The following SLC6A5 variants were observed in gnomAD, a reference collection of about 807,000 sequenced individuals.
SLC6A5 encodes the protein solute carrier family 6 member 5, also known as sodium- and chloride-dependent glycine transporter 2.
SLC6A5 carries 58 observed loss-of-function variants against 90.5 expected under a neutral mutation model. The ratio of observed to expected loss-of-function variants is 0.64; its 90% CI spans 0.52 to 0.80. SLC6A5 has a LOEUF of 0.80. Ranked by LOEUF, SLC6A5 falls within the 30% of genes least tolerant of loss-of-function variation. The pLI is 0.00. For synonymous variants in SLC6A5, 427 were observed against 401.4 expected (o/e 1.06, Z -0.76); for missense variants, 1,015 against 1,017.6 (o/e 1.00, Z 0.03).
intron 10 of SLC6A5, among the ~76,000 whole-genome samples, chr11:20,632,677 C>T (rs1853130064): frequency 6.6e-6 from 1 of 152,108 alleles, no homozygotes; most frequent in African/African-American, 2.4e-5. Flanking sequence ...TTTATATGTG[C>T]TTTACAGGCT....
intron 7 of SLC6A5, among the ~76,000 whole-genome samples, chr11:20,624,131 A>G (rs1172587789): frequency 6.7e-6 from 1 of 149,664 alleles, no homozygotes; most frequent in Non-Finnish European, 1.5e-5. Context: ...GAATGACCCC[A>G]AGGGTTTTAT....
intron 14 of SLC6A5, among the ~76,000 whole-genome samples, chr11:20,648,195 C>T (rs1410629672): frequency 1.3e-5 from 2 of 152,150 alleles, no homozygotes; most frequent in Admixed American, 6.6e-5. Flanking sequence ...CAGATTAAGG[C>T]CTTTGTTTTG....
Position 20,607,111 on chromosome 11 carries a change from G to C in SLC6A5, c.784G>C (p.Val262Leu), listed in dbSNP as rs900524902. The change falls in exon 4 of 16, where the codon GTG becomes CTG. Residue 262 changes from valine (V) to leucine (L), a missense_variant. Around this residue, in one of 3 missense-constraint regions of SLC6A5, gnomAD observed 567 missense variants for 507.3 expected, o/e 1.12. Transcript: ENST00000525748. ...GTTTGCCAGCCAGGGACCAGTGTCT[G>C]TGTGGAAGGCCATCCCAGCTCTACA... Reference protein sequence around the residue: ...GQFASQGPVSVWKAIPALQGC... With the variant: ...GQFASQGPVSLWKAIPALQGC... 1.2e-6 allele frequency: 2 copies of C among 1,614,084 alleles called. No individual in the cohort carries two copies. Among genetic ancestry groups the C allele is most frequent in the East Asian group, 2.2e-5 (1 of 44,864 alleles).
At chr11:20,606,016 C>G (rs527996692) in intron 3 of SLC6A5, among the ~76,000 whole-genome samples, 1 of 152,348 alleles carries the variant, frequency 6.6e-6, no homozygotes, top group Non-Finnish European at 1.5e-5. Context: ...GGAGAAAGAT[C>G]AGTTTTCCCT....
chr11:20,636,138 T>C (rs1487854234), intron 10 of SLC6A5, among the ~76,000 whole-genome samples, 169 bp from the exon 11 acceptor site: 3 of 152,118 alleles, frequency 2.0e-5, no homozygotes, highest in African/African-American at 7.2e-5. Context: ...TCAAGGAGCC[T>C]AAGGTCTAAT....
intron 13 of SLC6A5, among the ~76,000 whole-genome samples, chr11:20,639,113 C>T (rs1220222840): frequency 6.6e-6 from 1 of 152,124 alleles, no homozygotes; most frequent in East Asian, 1.9e-4. Flanking sequence ...ACAATAGCAA[C>T]CGGCATGCCA....
chr11:20,654,344 T>G (rs1354982952), intron 15 of SLC6A5, among the ~76,000 whole-genome samples: 1 of 151,710 alleles, frequency 6.6e-6, no homozygotes, highest in African/African-American at 2.4e-5. Flanking sequence ...TTTTGCAGAC[T>G]GTGTTTGGCA....
At chr11:20,647,904 AGTGG>A (rs1182589967) in intron 14 of SLC6A5, among the ~76,000 whole-genome samples, 1 of 152,194 alleles carries the variant, frequency 6.6e-6, no homozygotes, top group African/African-American at 2.4e-5. Context: ...GTCATCTTCA[AGTGG>A]GATGATGACA....
chr11:20,627,404 A>G (rs1853018029), intron 8 of SLC6A5, among the ~76,000 whole-genome samples: 1 of 152,192 alleles, frequency 6.6e-6, no homozygotes, highest in African/African-American at 2.4e-5. Context: ...TCTCACCTTA[A>G]AGGAAAACTC....
intron 12 of SLC6A5, 47 bp downstream of exon 12, chr11:20,637,350 G>A (rs1037347785): frequency 1.0e-5 from 16 of 1,543,484 alleles, no homozygotes; most frequent in Non-Finnish European, 1.3e-5. Flanking sequence ...CAGGAGGGTG[G>A]GGGGCCAATA....
At chr11:20,624,852 C>T (rs1235175756) in intron 7 of SLC6A5, among the ~76,000 whole-genome samples, 3 of 152,206 alleles carry the variant, frequency 2.0e-5, no homozygotes, top group Non-Finnish European at 4.4e-5. Flanking sequence ...CTAGGCCAGA[C>T]TGTGAAATGG....
Position 20,657,006 on chromosome 11 carries a change from T to A in SLC6A5, c.*2138T>A, listed in dbSNP as rs1447758179. 6.6e-6 allele frequency: 1 copy of A among 152,222 alleles called. No individual in the cohort carries two copies. Among genetic ancestry groups the A allele is most frequent in the Non-Finnish European group, 1.5e-5 (1 of 68,052 alleles). The allele number at this position is 152,222 out of a possible 1,614,324, so 9.4% of individuals were successfully genotyped here. On this transcript the variant is annotated 3_prime_UTR_variant, in exon 16 of 16. Transcript: ENST00000525748. The stretch of plus-strand genomic sequence containing the variant: ...AGGAATAACTTAGGCCTGGAAATTA[T>A]CTGCAGGCTTTGCAATTTGAAGGTT...
At chr11:20,603,718 G>A (rs1241811311) in intron 2 of SLC6A5, among the ~76,000 whole-genome samples, 3 of 152,220 alleles carry the variant, frequency 2.0e-5, no homozygotes, top group African/African-American at 7.2e-5. Context: ...GTTTGGTCAA[G>A]AAAGTAAGGC....
chr11:20,630,651 C>G (rs1430499118), intron 9 of SLC6A5, 40 bp from the exon 10 acceptor site: 1 of 1,613,182 alleles, frequency 6.2e-7, no homozygotes, highest in Non-Finnish European at 8.5e-7. Flanking sequence ...TTCCACTCAC[C>G]AAGCACACCT....
rs945712488 is a variant in SLC6A5 at position 20,657,558 on chromosome 11, GAA to G, written c.*2697_*2698del. 6.6e-6 allele frequency: 1 copy of G among 151,878 alleles called. No individual in the cohort carries two copies. The highest frequency in any genetic ancestry group is 1.9e-4 in the East Asian group (1 of 5,194). 9.4% of individuals were successfully genotyped at this position (151,878 alleles called of 1,614,324 possible). A position where few individuals can be genotyped will look rare whatever the true frequency, so the allele number is the denominator to read the frequency against. On this transcript the variant is annotated 3_prime_UTR_variant, in exon 16 of 16. Coordinates refer to ENST00000525748, the MANE Select transcript of SLC6A5 (RefSeq NM_004211.5). ...TATTAAAATGTACAGTCAATTGGAA[GAA>G]AAAAAATGAAAAAAATAAAATGAAT... is the stretch of plus-strand genomic sequence containing the variant.
intron 10 of SLC6A5, among the ~76,000 whole-genome samples, chr11:20,635,063 C>A (rs1267955583): frequency 6.6e-6 from 1 of 152,132 alleles, no homozygotes; most frequent in Non-Finnish European, 1.5e-5. Context: ...GACTTCCCCA[C>A]CAAGACCACA....
At chr11:20,618,035 T>G (rs1852817462) in intron 7 of SLC6A5, 151 bp downstream of exon 7, 5 of 799,936 alleles carry the variant, frequency 6.3e-6, no homozygotes, top group Non-Finnish European at 1.1e-5. Flanking sequence ...GACTTCACTT[T>G]CATCTGCAAA....
chr11:20,614,920 T>A (rs1459537204), intron 6 of SLC6A5, 100 bp downstream of exon 6: 2 of 1,178,610 alleles, frequency 1.7e-6, no homozygotes, highest in Non-Finnish European at 2.5e-6. Context: ...GCCCAAGGGA[T>A]GAGATCAGAG....
At chr11:20,627,362 G>A (rs1272632815) in intron 8 of SLC6A5, among the ~76,000 whole-genome samples, 1 of 152,170 alleles carries the variant, frequency 6.6e-6, no homozygotes, top group Non-Finnish European at 1.5e-5. Context: ...AACTACAAAT[G>A]AGGGGGTGAT....
Sources: gnomAD v4.1 joint callset for allele counts (sites outside exome capture counted in the v4.1 genomes callset) on GRCh38, gnomAD v4.1.1 for gene constraint, gnomAD v4.1.1 regional missense constraint, MANE v1.5 for transcripts, NCBI Gene and HGNC (gene_info 2026-07-23, HGNC 2026-07-21) for gene names.